The following OPRM1 variants were observed in gnomAD, a reference collection of about 807,000 sequenced individuals.
The protein encoded by OPRM1 is mu-type opioid receptor.
Under a neutral mutation model 31.8 loss-of-function variants are expected in OPRM1, and 27 were observed. The observed-to-expected ratio is 0.85, with a 90% CI of 0.63 to 1.17. The LOEUF is 1.17. OPRM1 is among the 50% of genes most tolerant of loss of function. The probability of loss-of-function intolerance (pLI) is 0.00; values close to 1 mark genes in which losing one functional copy is unlikely to be tolerated. For missense variants in OPRM1, 536 were observed against 511.1 expected, an observed-to-expected ratio of 1.05 and a Z score of -0.47; for synonymous variants, 196 against 189.9, an observed-to-expected ratio of 1.03 and a Z score of -0.26.
intron 3 of OPRM1, chr6:154,157,625 A>C (rs2128544626): frequency 6.6e-6 from 1 of 152,344 alleles, no homozygotes; most frequent in Non-Finnish European, 1.5e-5. Context: ...CTATTCACAA[A>C]CCCTGCTCAA....
intron 3 of OPRM1, chr6:154,217,608 C>T (rs1177278964): frequency 6.6e-6 from 1 of 152,140 alleles, no homozygotes; most frequent in African/African-American, 2.4e-5. Context: ...AAATCTTTTG[C>T]TTTGTCTGAC....
chr6:154,099,329 A>G (rs190824094), intron 3 of OPRM1, among the ~76,000 whole-genome samples: 2,476 of 119,370 alleles, frequency 0.021, 92 homozygotes, highest in African/African-American at 0.07. Flanking sequence ...GGAAGGAAGG[A>G]AGGGAGGGAG....
intron 3 of OPRM1, among the ~76,000 whole-genome samples, chr6:154,117,110 G>A (rs1796961211): frequency 2.6e-5 from 4 of 152,214 alleles, no homozygotes; most frequent in Admixed American, 1.3e-4. Flanking sequence ...TCATCAACAG[G>A]TAGGACAGAG....
rs199980523 is a variant in OPRM1, at chr6:154,039,679, C to T, written c.135C>T (p.Cys45=). The T allele has an allele frequency of 1.2e-6, 2 of 1,613,924 alleles. No individual in the cohort carries two copies. The highest frequency in any genetic ancestry group is 2.2e-5 in the East Asian group (1 of 44,880). The change falls in exon 1 of 4, where the codon TGC becomes TGT. Residue 45 remains cysteine (C), a synonymous_variant. Transcript: ENST00000330432. The part of the protein sequence containing the change: ...SHLDGNLSDP[C]GPNRTDLGGR... ...TAGATGGCAACCTGTCCGACCCATG[C>T]GGTCCGAACCGCACCGACCTGGGCG...
In OPRM1 at chr6:154,168,365, G is replaced by GT. The variant is rs571839818; in HGVS notation, c.1164+76899dup. On this transcript the variant is annotated intron_variant, in intron 3 of 3. Coordinates refer to the OPRM1 transcript ENST00000337049. This position sits in a 1 kb window ranked among gnomAD's most constrained non-coding sequence, Gnocchi z 4.1. Reference sequence around the variant, plus strand: ...CAAGCCTCTCTCCTGGCTTCAAGTGGTTTTTTGGTTTGTGGCAGTATAACT... The same window carrying GT: ...CAAGCCTCTCTCCTGGCTTCAAGTGGTTTTTTTGGTTTGTGGCAGTATAACT... 2.8e-4 allele frequency among the ~76,000 whole-genome samples: 42 copies of GT among 152,088 alleles called. No homozygotes were observed. Among genetic ancestry groups the GT allele is most frequent in the Non-Finnish European group, 4.7e-4 (32 of 68,026 alleles).
intron 1 of OPRM1, chr6:154,083,495 A>T (rs1017071016): frequency 1.3e-5 from 2 of 152,256 alleles, no homozygotes; most frequent in African/African-American, 2.4e-5. Context: ...TACAAAGTTC[A>T]TCATGGTTCT....
chr6:154,246,173 G>C (rs1219007132), intron 3 of OPRM1, among the ~76,000 whole-genome samples: 3 of 152,156 alleles, frequency 2.0e-5, no homozygotes, highest in Non-Finnish European at 4.4e-5. Context: ...TCTCTGAATT[G>C]AATCAACTGA....
chr6:154,225,022 A>G (rs933751388), intron 3 of OPRM1, among the ~76,000 whole-genome samples: 2 of 152,182 alleles, frequency 1.3e-5, no homozygotes, highest in Non-Finnish European at 2.9e-5. Context: ...AGGTCTCATC[A>G]ATTCCACTTT....
intron 3 of OPRM1, among the ~76,000 whole-genome samples, chr6:154,137,724 G>A (rs896247596): frequency 6.6e-6 from 1 of 152,086 alleles, no homozygotes; most frequent in Non-Finnish European, 1.5e-5. Context: ...TATACCATGA[G>A]AGTTCAGAAG....
At chr6:154,040,402 A>G (rs890972536) in intron 1 of OPRM1, among the ~76,000 whole-genome samples, 2 of 152,124 alleles carry the variant, frequency 1.3e-5, no homozygotes, top group African/African-American at 4.8e-5. Context: ...CTCCCCTGCC[A>G]TAGCAGCCCT....
At chr6:154,189,946 A>T in intron 3 of OPRM1, among the ~76,000 whole-genome samples, 1 of 151,150 alleles carries the variant, frequency 6.6e-6, no homozygotes, top group African/African-American at 2.5e-5. Context: ...TCAGTCTCAA[A>T]AAAAAAAGAA....
chr6:154,212,776 C>A (rs1381737599), intron 3 of OPRM1: 1 of 1,609,078 alleles, frequency 6.2e-7, no homozygotes, highest in Admixed American at 1.7e-5. Flanking sequence ...ATACCAAAGA[C>A]TGAGTCTGGG....
chr6:154,150,667 C>T (rs1306811880), intron 3 of OPRM1, among the ~76,000 whole-genome samples: 1 of 152,222 alleles, frequency 6.6e-6, no homozygotes, highest in Non-Finnish European at 1.5e-5. Context: ...TCACATTTCT[C>T]AAGCTTCTTT....
At chr6:154,147,653 T>G (rs1425393657) in intron 3 of OPRM1, among the ~76,000 whole-genome samples, 1 of 152,216 alleles carries the variant, frequency 6.6e-6, no homozygotes, top group East Asian at 1.9e-4. Context: ...TACCTCCTCA[T>G]GATTATCAAT....
At chr6:154,111,472 A>G (rs574471079) in intron 3 of OPRM1, among the ~76,000 whole-genome samples, 2 of 152,134 alleles carry the variant, frequency 1.3e-5, no homozygotes, top group East Asian at 1.9e-4. Context: ...TATTAAACCA[A>G]CTTTCCTCCT....
At position 154,119,373 on chromosome 6, in the gene OPRM1, G is replaced by C; in HGVS notation, c.*652G>C. On this transcript the variant is annotated 3_prime_UTR_variant, in exon 4 of 4. Coordinates refer to ENST00000330432, the MANE Select transcript of OPRM1 (RefSeq NM_000914.5). ...GAAACACAGTCATGTGTCAGCTGTA[G>C]AAAGGTTGATTCTCATGCACTGCAA... 1 of 985,360 alleles carries C rather than the reference G, an allele frequency of 1.0e-6. No individual in the cohort carries two copies. The highest frequency in any genetic ancestry group is 1.2e-6 in the Non-Finnish European group (1 of 829,856). 61.0% of individuals were successfully genotyped at this position (985,360 alleles called of 1,614,324 possible).
intron 3 of OPRM1, among the ~76,000 whole-genome samples, chr6:154,162,610 T>C (rs1444239625): frequency 1.3e-5 from 2 of 152,216 alleles, no homozygotes; most frequent in African/African-American, 2.4e-5. Context: ...AATTGCTACT[T>C]ACTCCCACCT....
At chr6:154,185,741 T>A (rs907503114) in intron 3 of OPRM1, among the ~76,000 whole-genome samples, 2 of 152,072 alleles carry the variant, frequency 1.3e-5, no homozygotes, top group African/African-American at 4.8e-5. Context: ...GGGCTACACA[T>A]AAAATACACT....
At chr6:154,221,097 G>A (rs1778829691) in intron 3 of OPRM1, among the ~76,000 whole-genome samples, 1 of 152,170 alleles carries the variant, frequency 6.6e-6, no homozygotes, top group Non-Finnish European at 1.5e-5. Context: ...AAATACTAGA[G>A]AAGAAAGCAC....
Sources: gnomAD v4.1 joint callset for allele counts (sites outside exome capture counted in the v4.1 genomes callset) on GRCh38, gnomAD v4.1.1 for gene constraint, Gnocchi (gnomAD v3.1) non-coding constraint, MANE v1.5 for transcripts, NCBI Gene and HGNC (gene_info 2026-07-23, HGNC 2026-07-21) for gene names.